Variants in CDH9 observed in about 807,000 individuals in gnomAD.
CDH9 encodes the protein cadherin-9.
Under a neutral mutation model 70.9 loss-of-function variants are expected in CDH9, and 28 were observed. That is an observed-to-expected ratio of 0.40 (90% confidence interval 0.29 to 0.54). The LOEUF (loss-of-function observed/expected upper bound fraction) is 0.54. Among genes scored for constraint, CDH9 ranks in the 20% least tolerant of loss-of-function variants. The probability of loss-of-function intolerance (pLI) is 0.59; values close to 1 mark genes in which losing one functional copy is unlikely to be tolerated. For missense variants in CDH9, 874 were observed against 984.4 expected (o/e 0.89, Z 1.50); for synonymous variants, 409 against 343.1 (o/e 1.19, Z -2.12).
intron 7 of CDH9, among the ~76,000 whole-genome samples, chr5:26,900,595 A>G (rs1478125004): frequency 6.6e-6 from 1 of 152,138 alleles, no homozygotes; most frequent in Non-Finnish European, 1.5e-5. Flanking sequence ...GGTCTCATTC[A>G]GACTCAAAAA....
At chr5:27,005,312 A>G (rs922801187) in intron 1 of CDH9, among the ~76,000 whole-genome samples, 1 of 152,112 alleles carries the variant, frequency 6.6e-6, no homozygotes, top group Non-Finnish European at 1.5e-5. Context: ...GGAAGGGCAA[A>G]GATTTCATGA....
intron 1 of CDH9, among the ~76,000 whole-genome samples, chr5:27,027,713 T>C (rs2112132217): frequency 6.6e-6 from 1 of 152,106 alleles, no homozygotes; most frequent in Admixed American, 6.6e-5. Flanking sequence ...ATTTTATACA[T>C]GGGACAATTT....
In CDH9 at chr5:26,886,036, A is replaced by G; in HGVS notation, c.1560T>C (p.Gly520=). ...GCACTGGTTCAAAAAAGAATTTGTG[A>G]CCTCGGGGAGGGTCATCCTTATCCA... ...SVMDKDDPPR[G]HKFFFEPVPE... is the part of the protein sequence containing the mutation. Residue 520 remains glycine (G), a synonymous_variant, in exon 10 of 12, where the codon GGT becomes GGC. Coordinates refer to ENST00000231021, the MANE Select transcript of CDH9 (RefSeq NM_016279.4). 1.9e-6 allele frequency: 3 copies of G among 1,612,444 alleles called. No homozygotes were observed. The highest frequency in any genetic ancestry group is 2.2e-5 in the South Asian group (2 of 90,554).
intron 2 of CDH9, among the ~76,000 whole-genome samples, chr5:26,946,967 C>G (rs73073552): frequency 0.028 from 4,217 of 152,188 alleles, 205 homozygotes; most frequent in African/African-American, 0.096. Flanking sequence ...CAGGGATGAA[C>G]GCTTGAATGC....
At chr5:26,993,214 T>C (rs1229091072) in intron 1 of CDH9, among the ~76,000 whole-genome samples, 1 of 152,116 alleles carries the variant, frequency 6.6e-6, no homozygotes, top group African/African-American at 2.4e-5. Flanking sequence ...GAACACATTG[T>C]TGGAAATTTG....
At chr5:26,907,432 G>T (rs1740969657) in intron 3 of CDH9, among the ~76,000 whole-genome samples, 2 of 152,024 alleles carry the variant, frequency 1.3e-5, no homozygotes, top group South Asian at 4.1e-4. Flanking sequence ...TGGTTCTTAT[G>T]ATTACCTCTA....
chr5:27,003,758 G>A (rs1367495836), intron 1 of CDH9, among the ~76,000 whole-genome samples: 1 of 151,910 alleles, frequency 6.6e-6, no homozygotes, highest in African/African-American at 2.4e-5. Flanking sequence ...AGAAGCATAA[G>A]AAGACATCAC....
At chr5:26,951,290 T>C (rs12153566) in intron 2 of CDH9, among the ~76,000 whole-genome samples, 1 of 95,290 alleles carries the variant, frequency 1.0e-5, no homozygotes, top group Non-Finnish European at 1.8e-5. Flanking sequence ...AGACTCTGTC[T>C]CAAAAAAAAA....
At chr5:27,011,743 G>A (rs1268112487) in intron 1 of CDH9, among the ~76,000 whole-genome samples, 2 of 151,998 alleles carry the variant, frequency 1.3e-5, no homozygotes, top group Admixed American at 1.3e-4. Context: ...ATATTACAAA[G>A]AACAGAGAGT....
chr5:26,893,374 T>C (rs935227828), intron 7 of CDH9, among the ~76,000 whole-genome samples: 1 of 152,160 alleles, frequency 6.6e-6, no homozygotes, highest in Non-Finnish European at 1.5e-5. Context: ...TGGTCTCAGG[T>C]TTTACCTCAC....
chr5:26,996,374 A>G (rs577648344), intron 1 of CDH9, among the ~76,000 whole-genome samples: 1 of 152,172 alleles, frequency 6.6e-6, no homozygotes, highest in South Asian at 2.1e-4. Context: ...GATAGATGAA[A>G]CAAATGATTT....
At chr5:26,982,673 G>C (rs1742418319) in intron 2 of CDH9, among the ~76,000 whole-genome samples, 1 of 151,582 alleles carries the variant, frequency 6.6e-6, no homozygotes, top group African/African-American at 2.4e-5. Flanking sequence ...CTATGAATAA[G>C]TTTTTTTTGT....
At chr5:26,891,860 A>G (rs994739778) in intron 7 of CDH9, among the ~76,000 whole-genome samples, 1 of 152,202 alleles carries the variant, frequency 6.6e-6, no homozygotes, top group Non-Finnish European at 1.5e-5. Context: ...GGCAGCCTCT[A>G]AAAACTAGGA....
At chr5:26,936,401 G>T (rs934421085) in intron 2 of CDH9, among the ~76,000 whole-genome samples, 1 of 150,908 alleles carries the variant, frequency 6.6e-6, no homozygotes, top group African/African-American at 2.4e-5. Context: ...AACTTCTGAT[G>T]GAAGAAATCA....
intron 2 of CDH9, among the ~76,000 whole-genome samples, chr5:26,984,026 C>A (rs569668946): frequency 8.5e-5 from 13 of 152,148 alleles, no homozygotes; most frequent in Admixed American, 2.0e-4. Flanking sequence ...ACCAATTTTT[C>A]TTTTGTTAAC....
rs1255495425 is a variant in CDH9, at chr5:26,906,049, T to G, written c.721A>C (p.Met241Leu). The G allele has an allele frequency of 2.5e-6, 4 of 1,613,572 alleles. No individual in the cohort carries two copies. Among genetic ancestry groups the G allele is most frequent in the Admixed American group, 1.7e-5 (1 of 60,010 alleles). Reference protein sequence around the residue: ...QYQVVIQAKDMGGQMGGLSGT... With the variant: ...QYQVVIQAKDLGGQMGGLSGT... ...GAAAGGCCTCCCATCTGGCCACCCA[T>G]GTCTTTGGCCTGTATAACAACCTGG... Residue 241 changes from methionine (M) to leucine (L), a missense_variant, in exon 5 of 12, where the codon ATG becomes CTG. Coordinates refer to ENST00000231021, the MANE Select transcript of CDH9 (RefSeq NM_016279.4).
chr5:27,003,335 T>C (rs1230294517), intron 1 of CDH9, among the ~76,000 whole-genome samples: 2 of 152,130 alleles, frequency 1.3e-5, no homozygotes, highest in African/African-American at 4.8e-5. Context: ...TTCTAAATAA[T>C]GTATGTGAAT....
chr5:26,980,940 T>A (rs1035722147), intron 2 of CDH9, among the ~76,000 whole-genome samples: 1 of 152,036 alleles, frequency 6.6e-6, no homozygotes. Context: ...AGGTGCTCAG[T>A]TTTTTCAAAA....
At chr5:26,934,083 A>G (rs1049502302) in intron 2 of CDH9, among the ~76,000 whole-genome samples, 9 of 152,118 alleles carry the variant, frequency 5.9e-5, no homozygotes, top group Non-Finnish European at 1.2e-4. Context: ...GCAAAGGAGA[A>G]CAGGCATTGT....
Sources: allele counts gnomAD v4.1 joint callset (sites outside exome capture counted in the v4.1 genomes callset), GRCh38; gene constraint gnomAD v4.1.1; transcripts MANE v1.5; gene names NCBI Gene and HGNC (gene_info 2026-07-23, HGNC 2026-07-21).